WWOX: variants seen among roughly 807,000 people sequenced by gnomAD.
WWOX encodes WW domain containing oxidoreductase.
Under a neutral mutation model 46.2 loss-of-function variants are expected in WWOX, and 69 were observed. That is an observed-to-expected ratio of 1.49 (90% CI 1.23 to 1.82). The LOEUF is 1.82. Ranked by LOEUF, WWOX falls within the 40% of genes most tolerant of loss-of-function variation. WWOX has a pLI of 0.00. For synonymous variants in WWOX, 359 were observed against 202.6 expected, an observed-to-expected ratio of 1.77 and a Z score of -6.56; for missense variants, 919 against 542.6, an observed-to-expected ratio of 1.69 and a Z score of -6.89.
chr16:78,920,072 T>C (rs977884360), intron 8 of WWOX, among the ~76,000 whole-genome samples: 2 of 152,166 alleles, frequency 1.3e-5, no homozygotes, highest in African/African-American at 2.4e-5. Flanking sequence ...GACCCCACCA[T>C]GCCATAGCTT....
chr16:78,948,062 T>G, intron 8 of WWOX, among the ~76,000 whole-genome samples: 1 of 152,246 alleles, frequency 6.6e-6, no homozygotes, highest in Non-Finnish European at 1.5e-5. Flanking sequence ...GAAGGCAGCC[T>G]GTGCCGTCAG....
At chr16:78,343,316 C>T (rs1377288527) in intron 5 of WWOX, among the ~76,000 whole-genome samples, 3 of 120,952 alleles carry the variant, frequency 2.5e-5, no homozygotes, top group Non-Finnish European at 4.0e-5. Flanking sequence ...CCCACCGCCA[C>T]GTTCCTCGCC....
chr16:78,697,472 G>A (rs7190036), intron 8 of WWOX, among the ~76,000 whole-genome samples: 25,992 of 152,082 alleles, frequency 0.17, 5,487 homozygotes, highest in African/African-American at 0.5. Flanking sequence ...CAGACAACCC[G>A]CAGAGTGGGA....
intron 5 of WWOX, among the ~76,000 whole-genome samples, chr16:78,218,869 C>G (rs1459818771): frequency 6.6e-6 from 1 of 152,224 alleles, no homozygotes; most frequent in Non-Finnish European, 1.5e-5. Context: ...TAAACTGCCA[C>G]TTTTGTTTGT....
rs947268094 is a variant in WWOX, at chr16:78,366,247, C to G, written c.517-20613C>G. 3.3e-5 allele frequency among the ~76,000 whole-genome samples: 5 copies of G among 152,242 alleles called. No individual in the cohort carries two copies. The East Asian group carries it at 7.7e-4, about 24-fold the overall frequency. ...AGAAAACATTTAACGCTGTTATGTACGAAGTGAAATACTGTTAAACTTTTA... is the reference window on the plus strand; with the variant it reads ...AGAAAACATTTAACGCTGTTATGTAGGAAGTGAAATACTGTTAAACTTTTA... On this transcript the variant is annotated intron_variant, in intron 5 of 8. Coordinates refer to ENST00000566780, the MANE Select transcript of WWOX (RefSeq NM_016373.4).
At chr16:78,319,919 T>C (rs1389389397) in intron 5 of WWOX, among the ~76,000 whole-genome samples, 4 of 152,198 alleles carry the variant, frequency 2.6e-5, no homozygotes, top group African/African-American at 9.7e-5. Context: ...GAAATAGTCA[T>C]CTTTTAAGTT....
At chr16:78,918,038 C>A (rs1041176930) in intron 8 of WWOX, among the ~76,000 whole-genome samples, 2 of 152,006 alleles carry the variant, frequency 1.3e-5, no homozygotes, top group African/African-American at 4.8e-5. Context: ...CCCACCTCTA[C>A]AAAATATTTT....
At chr16:78,329,470 G>T (rs1179789398) in intron 5 of WWOX, among the ~76,000 whole-genome samples, 1 of 152,182 alleles carries the variant, frequency 6.6e-6, no homozygotes, top group African/African-American at 2.4e-5. Flanking sequence ...AGCAAAAATA[G>T]TTCTTGAGGC....
In WWOX at chr16:78,401,577, T is replaced by C. The variant is rs192059703; in HGVS notation, c.605+14629T>C. On this transcript the variant is annotated intron_variant, in intron 6 of 8. Coordinates refer to ENST00000566780, the MANE Select transcript of WWOX (RefSeq NM_016373.4). ...GAGTCTGGAGAGACCTTAAGTCTGC[T>C]TTAGGGAAAGGGTGAGGAACCCCAC... Among the ~76,000 whole-genome samples the C allele has an allele frequency of 7.2e-3, 1,102 of 152,296 alleles. 11 individuals are homozygous for C. The highest frequency in any genetic ancestry group is 0.016 in the South Asian group (75 of 4,820).
intron 8 of WWOX, among the ~76,000 whole-genome samples, chr16:79,199,479 G>A (rs774513258): frequency 7.2e-5 from 11 of 152,292 alleles, no homozygotes; most frequent in African/African-American, 2.4e-4. Context: ...GCAGGAGGCC[G>A]CCAGGTGGCA....
At chr16:78,478,800 GTTT>G (rs929623778) in intron 8 of WWOX, among the ~76,000 whole-genome samples, 6 of 152,116 alleles carry the variant, frequency 3.9e-5, no homozygotes, top group African/African-American at 1.2e-4. Flanking sequence ...GGTGGTGAGG[GTTT>G]TTTAAATTTA....
intron 8 of WWOX, chr16:78,890,151 A>C (rs1423441719): frequency 2.0e-5 from 3 of 152,224 alleles, no homozygotes; most frequent in African/African-American, 7.2e-5. Flanking sequence ...TCAATGTCAT[A>C]ACAGTTTTGA....
At chr16:78,859,255 G>C (rs1301654796) in intron 8 of WWOX, among the ~76,000 whole-genome samples, 1 of 151,380 alleles carries the variant, frequency 6.6e-6, no homozygotes, top group Non-Finnish European at 1.5e-5. Context: ...CTTGGGCTGA[G>C]CTGCCTGAAA....
In WWOX at chr16:78,299,648, C is replaced by A. The variant is rs1411070788; in HGVS notation, c.517-87212C>A. 2.6e-5 allele frequency among the ~76,000 whole-genome samples: 4 copies of A among 152,062 alleles called. No homozygotes were observed. The East Asian group carries it at 7.8e-4, about 30-fold the overall frequency. Reference sequence around the variant, plus strand: ...GCTCAAGTGATCCTCCCACCTCAGCCTCCCAAGTAGCTGGGACTACAAGGT... The same window carrying A: ...GCTCAAGTGATCCTCCCACCTCAGCATCCCAAGTAGCTGGGACTACAAGGT... On this transcript the variant is annotated intron_variant, in intron 5 of 8. Transcript: ENST00000566780.
chr16:78,707,840 T>TAAAAATAA (rs1446588255), intron 8 of WWOX, among the ~76,000 whole-genome samples: 2 of 143,784 alleles, frequency 1.4e-5, no homozygotes, highest in African/African-American at 5.1e-5. Context: ...GTCTCAAAAA[T>TAAAAATAA]ATAAATAAAT....
At chr16:79,123,550 T>A (rs1169936774) in intron 8 of WWOX, among the ~76,000 whole-genome samples, 1 of 152,078 alleles carries the variant, frequency 6.6e-6, no homozygotes, top group Non-Finnish European at 1.5e-5. Flanking sequence ...CTTGTCCTTA[T>A]GTAAGGATTA....
intron 5 of WWOX, among the ~76,000 whole-genome samples, chr16:78,254,758 A>C (rs905485983): frequency 6.6e-6 from 1 of 151,958 alleles, no homozygotes; most frequent in African/African-American, 2.4e-5. Context: ...CGAACTCGCA[A>C]GTTCAAGCGA....
intron 8 of WWOX, among the ~76,000 whole-genome samples, chr16:79,026,295 G>A (rs1040827228): frequency 4.0e-5 from 6 of 151,642 alleles, no homozygotes; most frequent in Non-Finnish European, 1.5e-5. Context: ...GCCTGCCACA[G>A]GGCCTTTGCA....
intron 8 of WWOX, among the ~76,000 whole-genome samples, chr16:78,919,448 C>T (rs1485765447): frequency 6.6e-6 from 1 of 151,966 alleles, no homozygotes; most frequent in East Asian, 1.9e-4. Flanking sequence ...ACTTAGAATG[C>T]CATCACTACC....
Sources: allele counts gnomAD v4.1 joint callset (sites outside exome capture counted in the v4.1 genomes callset), GRCh38; gene constraint gnomAD v4.1.1; transcripts MANE v1.5; gene names NCBI Gene and HGNC (gene_info 2026-07-23, HGNC 2026-07-21).